The following FBXO3 variants were observed in gnomAD, a reference collection of about 807,000 sequenced individuals.
FBXO3 encodes F-box only protein 3.
In FBXO3, 17 loss-of-function variants were observed where a neutral mutation model predicts 64.8. That is an observed-to-expected ratio of 0.26 (90% confidence interval 0.18 to 0.39). FBXO3 has a LOEUF of 0.39. Ranked by LOEUF, FBXO3 falls within the 10% of genes least tolerant of loss-of-function variation. The pLI is 1.00. For synonymous variants in FBXO3, 182 were observed against 201.6 expected, an observed-to-expected ratio of 0.90 and a Z score of 0.82; for missense variants, 420 against 589.9, an observed-to-expected ratio of 0.71 and a Z score of 2.98.
chr11:33,758,400 A>T, intron 4 of FBXO3, 87 bp downstream of exon 4: 2 of 885,980 alleles, frequency 2.3e-6, no homozygotes, highest in Non-Finnish European at 3.3e-6. Flanking sequence ...TTAATTTGTT[A>T]AGGGTAACTA....
intron 6 of FBXO3, chr11:33,753,899 G>C (rs1855025720): frequency 6.6e-6 from 1 of 152,158 alleles, no homozygotes; most frequent in African/African-American, 2.4e-5. Flanking sequence ...GCAAAGGGGT[G>C]AGCTGTAGTT....
At chr11:33,773,019 T>C (rs1590592261) in intron 1 of FBXO3, 1 of 147,378 alleles carries the variant, frequency 6.8e-6, no homozygotes. Flanking sequence ...AAAGTGCAAG[T>C]GTGTTGTATG....
chr11:33,758,958 C>G (rs1483101178), intron 3 of FBXO3, among the ~76,000 whole-genome samples: 1 of 151,554 alleles, frequency 6.6e-6, no homozygotes, highest in Admixed American at 6.6e-5. Flanking sequence ...CCTGGAAGTT[C>G]TCTAAACTGA....
intron 1 of FBXO3, 146 bp downstream of exon 1, chr11:33,774,248 G>C: frequency 1.5e-6 from 1 of 667,790 alleles, no homozygotes; most frequent in Non-Finnish European, 2.5e-6. Flanking sequence ...GGTCCCCGGT[G>C]GCTCCGCAGG....
In FBXO3 at chr11:33,750,573, G is replaced by A. The variant is rs1341207206; in HGVS notation, c.898C>T (p.His300Tyr). ...TATGTGAAGAAATAGTGGGGTGGAT[G>A]TACAGAGCTAAGTTCTGGCAGAAAC... is the stretch of plus-strand genomic sequence containing the variant. The part of the protein sequence containing the change: ...TSFLPELSSV[H>Y]PPHYFFTYRI... Residue 300 changes from histidine to tyrosine, a missense_variant, in exon 8 of 11, where the codon CAT becomes TAT. Physicochemically the swap from His to Tyr is moderately conservative, Grantham distance 83. Around this residue, in one of 3 missense-constraint regions of FBXO3, gnomAD observed 337 missense variants for 518.4 expected, o/e 0.65. Coordinates refer to ENST00000265651, the MANE Select transcript of FBXO3 (RefSeq NM_012175.4). 3 of 1,613,810 alleles carry A rather than the reference G, an allele frequency of 1.9e-6. No individual in the cohort carries two copies. The South Asian group carries it at 3.3e-5, about 18-fold the overall frequency.
chr11:33,750,229 T>C lies in FBXO3; in HGVS notation c.932+310A>G, dbSNP rs573404024. Among the ~76,000 whole-genome samples the C allele has an allele frequency of 9.1e-4, 139 of 152,314 alleles. 1 individual carries two copies. The highest frequency in any genetic ancestry group is 3.1e-3 in the African/African-American group (128 of 41,564). On this transcript the variant is annotated intron_variant, in intron 8 of 10. Coordinates refer to ENST00000265651, the MANE Select transcript of FBXO3 (RefSeq NM_012175.4). ...AATGCATGACTTTATTATGGCAATT[T>C]GAGAGCTTCTAGAATGCATTACAAC...
intron 3 of FBXO3, among the ~76,000 whole-genome samples, chr11:33,767,226 C>T (rs1855394702): frequency 6.6e-6 from 1 of 152,152 alleles, no homozygotes; most frequent in African/African-American, 2.4e-5. Flanking sequence ...GATCATAGCC[C>T]TGGAGTCTGC....
intron 10 of FBXO3, chr11:33,746,042 A>C (rs1366025897): frequency 6.6e-6 from 1 of 152,216 alleles, no homozygotes; most frequent in East Asian, 1.9e-4. Context: ...ATTCCTTGAA[A>C]GGCACAAATT....
intron 3 of FBXO3, among the ~76,000 whole-genome samples, chr11:33,766,988 C>CAAA (rs67370716): frequency 1.1e-3 from 60 of 55,096 alleles, no homozygotes; most frequent in Non-Finnish European, 1.9e-3. Context: ...ATTCATGCAC[C>CAAA]AAAAAAAAAA....
chr11:33,757,667 A>AAAAAAAAAAAAAAAAAAAAAAAAAAC (rs1372376408), intron 4 of FBXO3, among the ~76,000 whole-genome samples: 1 of 142,184 alleles, frequency 7.0e-6, no homozygotes, highest in East Asian at 2.0e-4. Flanking sequence ...AAAAAAAAAA[A>AAAAAAAAAAAAAAAAAAAAAAAAAAC]AAAAAAAAAA....
At chr11:33,764,609 G>A (rs982853850) in intron 3 of FBXO3, among the ~76,000 whole-genome samples, 42 of 151,810 alleles carry the variant, frequency 2.8e-4, no homozygotes, top group African/African-American at 8.5e-4. Flanking sequence ...ATATCAAGAC[G>A]AAGCTGATTT....
chr11:33,744,732 T>G (rs1854773060), intron 10 of FBXO3: 1 of 152,162 alleles, frequency 6.6e-6, no homozygotes, highest in Admixed American at 6.5e-5. Context: ...CGAAAACTAA[T>G]AAGAAAGAAC....
At chr11:33,761,711 G>A (rs1371958536) in intron 3 of FBXO3, among the ~76,000 whole-genome samples, 1 of 152,160 alleles carries the variant, frequency 6.6e-6, no homozygotes, top group Non-Finnish European at 1.5e-5. Flanking sequence ...TGAAAGTATG[G>A]CATCAACTGG....
intron 4 of FBXO3, among the ~76,000 whole-genome samples, chr11:33,757,660 A>AAAAAAAAAAAAAAC (rs1855138685): frequency 8.0e-6 from 1 of 125,530 alleles, no homozygotes; most frequent in Non-Finnish European, 1.8e-5. Context: ...ATCTCTTAAA[A>AAAAAAAAAAAAAAC]AAAAAAAAAA....
chr11:33,762,645 A>C lies in FBXO3; in HGVS notation c.359-4044T>G, dbSNP rs186860661. On this transcript the variant is annotated intron_variant, in intron 3 of 10. Coordinates refer to ENST00000265651, the MANE Select transcript of FBXO3 (RefSeq NM_012175.4). ...ACTTATGGGACAAACTAATGTGCTTAGTGGGAAATTTAGAGCTCTAAATTC... is the reference window on the plus strand; with the variant it reads ...ACTTATGGGACAAACTAATGTGCTTCGTGGGAAATTTAGAGCTCTAAATTC... Among the ~76,000 whole-genome samples the C allele has an allele frequency of 6.0e-4, 91 of 152,072 alleles. 1 individual carries two copies. The East Asian group carries it at 0.016, about 26-fold the overall frequency.
intron 1 of FBXO3, chr11:33,771,976 G>A (rs1855522469): frequency 6.6e-6 from 1 of 152,212 alleles, no homozygotes; most frequent in Admixed American, 6.5e-5. Context: ...TTTGGACTGA[G>A]ATCTGTACCT....
intron 3 of FBXO3, among the ~76,000 whole-genome samples, chr11:33,759,220 C>T (rs567086877): frequency 6.6e-6 from 1 of 152,258 alleles, no homozygotes; most frequent in African/African-American, 2.4e-5. Flanking sequence ...TGAAGACTTT[C>T]GAAGAGTCAC....
chr11:33,741,861 T>C lies in FBXO3; in HGVS notation c.*47A>G. ...GTTATTTACATTATTGAGAAATCTA[T>C]TTAACAGCCTAGAATCATCCTAGTG... On this transcript the variant is annotated 3_prime_UTR_variant, in exon 11 of 11. Coordinates refer to ENST00000265651, the MANE Select transcript of FBXO3 (RefSeq NM_012175.4). 1.3e-6 allele frequency: 2 copies of C among 1,531,984 alleles called. No individual in the cohort carries two copies. The highest frequency in any genetic ancestry group is 1.4e-5 in the African/African-American group (1 of 72,020). 94.9% of individuals were successfully genotyped at this position (1,531,984 alleles called of 1,614,324 possible). A position where few individuals can be genotyped will look rare whatever the true frequency, so the allele number is the denominator to read the frequency against.
chr11:33,756,901 T>A (rs1399020016), intron 4 of FBXO3: 1 of 425,564 alleles, frequency 2.3e-6, no homozygotes, highest in Non-Finnish European at 4.6e-6. Flanking sequence ...GTTTTTAACT[T>A]AATTTTTTAT....
Sources: allele counts gnomAD v4.1 joint callset (sites outside exome capture counted in the v4.1 genomes callset), GRCh38; gene constraint gnomAD v4.1.1; regional missense constraint gnomAD v4.1.1; transcripts MANE v1.5; gene names NCBI Gene and HGNC (gene_info 2026-07-23, HGNC 2026-07-21).